The following MSANTD1 variants were observed in gnomAD, a reference collection of about 807,000 sequenced individuals.
The protein encoded by MSANTD1 is Myb/SANT DNA binding domain containing 1.
Under a neutral mutation model 24.2 loss-of-function variants are expected in MSANTD1, and 7 were observed. The observed-to-expected ratio is 0.29, with a 90% CI of 0.16 to 0.54. MSANTD1 has a LOEUF of 0.54. Among genes scored for constraint, MSANTD1 ranks in the 20% least tolerant of loss-of-function variants. MSANTD1 has a pLI of 0.94. For missense variants in MSANTD1, 384 were observed against 408.2 expected, an observed-to-expected ratio of 0.94 and a Z score of 0.51; for synonymous variants, 177 against 181.1, an observed-to-expected ratio of 0.98 and a Z score of 0.18.
intron 2 of MSANTD1, among the ~76,000 whole-genome samples, chr4:3,253,787 G>A (rs1370942037): frequency 6.6e-6 from 1 of 152,194 alleles, no homozygotes; most frequent in Non-Finnish European, 1.5e-5. Flanking sequence ...AGGGTGGCTG[G>A]GAGCATCACA....
chr4:3,255,972 A>C lies in MSANTD1; in HGVS notation c.*7A>C. 1 of 1,509,242 alleles carries C rather than the reference A, an allele frequency of 6.6e-7. No individual in the cohort carries two copies. Among genetic ancestry groups the C allele is most frequent in the African/African-American group, 1.4e-5 (1 of 71,576 alleles). 93.5% of individuals were successfully genotyped at this position (1,509,242 alleles called of 1,614,324 possible). A position where few individuals can be genotyped will look rare whatever the true frequency, so the allele number is the denominator to read the frequency against. The stretch of plus-strand genomic sequence containing the variant: ...CACCAAGTCCAGCGTCTAGGCCAGC[A>C]GGCGGCGGCGGCGGCGGGGCCGGGC... On this transcript the variant is annotated 3_prime_UTR_variant, in exon 3 of 3. Coordinates refer to ENST00000438480, the MANE Select transcript of MSANTD1 (RefSeq NM_001042690.2).
upstream of MSANTD1, chr4:3,244,612 A>G (rs1022392907): frequency 1.3e-5 from 2 of 152,280 alleles, no homozygotes; most frequent in African/African-American, 4.8e-5. Context: ...GATGCTTCTA[A>G]GCTCCGGACG....
In MSANTD1 at chr4:3,255,753, A is replaced by G; in HGVS notation, c.625A>G (p.Lys209Glu). 2 of 1,544,898 alleles carry G rather than the reference A, an allele frequency of 1.3e-6. No homozygotes were observed. Among genetic ancestry groups the G allele is most frequent in the Non-Finnish European group, 1.7e-6 (2 of 1,145,492 alleles). The stretch of plus-strand genomic sequence containing the variant: ...GGAGGAGCGGCCGGTGAAGAAGCGC[A>G]AGGTGCAGAGCTGCCACCTGCAGAA... ...RSEERPVKKR[K>E]VQSCHLQKKQ... is the part of the protein sequence containing the mutation. Residue 209 changes from lysine to glutamate, a missense_variant, in exon 3 of 3, where the codon AAG (lysine) becomes GAG (glutamate). Physicochemically the swap from Lys to Glu is moderately conservative, Grantham distance 56. Coordinates refer to ENST00000438480, the MANE Select transcript of MSANTD1 (RefSeq NM_001042690.2).
chr4:3,245,863 G>T (rs1354622156), upstream of MSANTD1, among the ~76,000 whole-genome samples: 1 of 152,210 alleles, frequency 6.6e-6, no homozygotes, highest in African/African-American at 2.4e-5. Flanking sequence ...CTGGTCGGGG[G>T]TGTCTGGGCC....
At chr4:3,251,658 C>G (rs1252062034) in intron 1 of MSANTD1, among the ~76,000 whole-genome samples, 2 of 151,974 alleles carry the variant, frequency 1.3e-5, no homozygotes, top group African/African-American at 4.8e-5. Context: ...CCGCAGTCTC[C>G]CCATAGCAGA....
At chr4:3,244,998 A>T (rs1721977122), upstream of MSANTD1, 3 of 152,278 alleles carry the variant, frequency 2.0e-5, no homozygotes. Context: ...CTGTCTCCTC[A>T]TAGGTGACAC....
chr4:3,253,506 C>A, intron 2 of MSANTD1, 24 bp downstream of exon 2: 1 of 1,493,980 alleles, frequency 6.7e-7, no homozygotes, highest in Non-Finnish European at 9.0e-7. Context: ...TTGTCCTTCC[C>A]CTGCCCTGGG....
At chr4:3,251,033 G>A (rs1722210807) in intron 1 of MSANTD1, among the ~76,000 whole-genome samples, 1 of 152,256 alleles carries the variant, frequency 6.6e-6, no homozygotes, top group African/African-American at 2.4e-5. Context: ...CCCCAAAGCC[G>A]GGACCTAGGG....
upstream of MSANTD1, chr4:3,249,093 C>A: frequency 3.8e-6 from 3 of 788,762 alleles, no homozygotes; most frequent in Non-Finnish European, 5.4e-6. Context: ...TGCTCTGTTG[C>A]TATGGAAACG....
Position 3,249,371 on chromosome 4 carries a change from A to T in MSANTD1, c.149A>T (p.Glu50Val). 1 of 1,570,658 alleles carries T rather than the reference A, an allele frequency of 6.4e-7. No individual in the cohort carries two copies. Among genetic ancestry groups the T allele is most frequent in the Non-Finnish European group, 8.6e-7 (1 of 1,158,572 alleles). ...CGGGCCCGCAACTGGACGGACGCCG[A>T]GATGCGCGGCCTCATGCTGGTCTGG... ...HRRARNWTDA[E>V]MRGLMLVWEE... The change falls in exon 1 of 3, where the codon GAG (glutamate) becomes GTG (valine). Residue 50 changes from glutamate (E) to valine (V), a missense_variant. By Grantham distance (121) the Glu-to-Val change is moderately radical (BLOSUM62 -2). Transcript: ENST00000438480.
At position 3,256,056 on chromosome 4, in the gene MSANTD1, G is replaced by A. The variant is rs1722382530; in HGVS notation, c.*91G>A. On this transcript the variant is annotated 3_prime_UTR_variant, in exon 3 of 3. Transcript: ENST00000438480. ...GCCACTCAGGCCAGGCGGGCAAGGG[G>A]GCCGCCCCGCGAGCGGAGACCGCCT... 2 of 1,384,242 alleles carry A rather than the reference G, an allele frequency of 1.4e-6. No individual in the cohort carries two copies. Among genetic ancestry groups the A allele is most frequent in the African/African-American group, 3.0e-5 (2 of 65,650 alleles). 85.7% of individuals were successfully genotyped at this position (1,384,242 alleles called of 1,614,324 possible).
Position 3,255,902 on chromosome 4 carries a change from C to T in MSANTD1, c.774C>T (p.Ser258=). ...AGCAGCACATCCTGCAGGTGCAGAG[C>T]CTGCAGCTGCAGGAGCGCATGATGA... ...LDQQHILQVQ[S]LQLQERMMSL... Residue 258 remains serine (S), a synonymous_variant, in exon 3 of 3, where the codon AGC becomes AGT. Transcript: ENST00000438480. The T allele has an allele frequency of 1.9e-6, 3 of 1,545,488 alleles. No homozygotes were observed. Among genetic ancestry groups the T allele is most frequent in the Non-Finnish European group, 2.6e-6 (3 of 1,146,058 alleles).
In MSANTD1 at chr4:3,255,746, G is replaced by A. The variant is rs1166894363; in HGVS notation, c.618G>A (p.Lys206=). Residue 206 remains lysine (K), a synonymous_variant, in exon 3 of 3, where the codon AAG becomes AAA. Transcript: ENST00000438480. ...CCAGGTCGGAGGAGCGGCCGGTGAA[G>A]AAGCGCAAGGTGCAGAGCTGCCACC... ...LKFRSEERPV[K]KRKVQSCHLQ... The A allele has an allele frequency of 1.3e-6, 2 of 1,543,590 alleles. No individual in the cohort carries two copies. The highest frequency in any genetic ancestry group is 2.5e-5 in the East Asian group (1 of 40,780).
chr4:3,247,144 G>T (rs1722054825), upstream of MSANTD1, among the ~76,000 whole-genome samples: 1 of 152,148 alleles, frequency 6.6e-6, no homozygotes, highest in East Asian at 1.9e-4. Context: ...GGCACGTAGA[G>T]GCCCCATGAC....
upstream of MSANTD1, among the ~76,000 whole-genome samples, chr4:3,245,969 G>T (rs900444386): frequency 6.6e-6 from 1 of 152,188 alleles, no homozygotes; most frequent in African/African-American, 2.4e-5. Flanking sequence ...GTGTGCACAG[G>T]CCCCTGCCCT....
At chr4:3,251,020 A>T (rs1722210123) in intron 1 of MSANTD1, among the ~76,000 whole-genome samples, 1 of 152,250 alleles carries the variant, frequency 6.6e-6, no homozygotes, top group Non-Finnish European at 1.5e-5. Flanking sequence ...GCCCCTAGGC[A>T]GGCCCCAAAG....
Position 3,253,236 on chromosome 4 carries a change from C to G in MSANTD1, c.350C>G (p.Ser117Cys). The part of the protein sequence containing the change: ...RKLKCMTDSE[S>C]APPDWPYYLA... ...TTAAAATGCATGACAGATAGCGAGT[C>G]CGCCCCGCCCGACTGGCCCTATTAC... The change falls in exon 2 of 3, where the codon TCC (serine) becomes TGC (cysteine). Residue 117 changes from serine to cysteine, a missense_variant. Coordinates refer to ENST00000438480, the MANE Select transcript of MSANTD1 (RefSeq NM_001042690.2). The G allele has an allele frequency of 6.3e-7, 1 of 1,577,964 alleles. No individual in the cohort carries two copies. The highest frequency in any genetic ancestry group is 8.6e-7 in the Non-Finnish European group (1 of 1,157,444).
At chr4:3,254,245 C>G (rs1722318532) in intron 2 of MSANTD1, among the ~76,000 whole-genome samples, 1 of 152,232 alleles carries the variant, frequency 6.6e-6, no homozygotes, top group South Asian at 2.1e-4. Context: ...GTCTTCAAGT[C>G]TTTCTGACAG....
chr4:3,248,310 T>G (rs1242743903), upstream of MSANTD1: 2 of 152,374 alleles, frequency 1.3e-5, no homozygotes, highest in African/African-American at 4.8e-5. Flanking sequence ...AGCCTGGGCC[T>G]CGAGCCCCGT....
Sources: gnomAD v4.1 joint callset for allele counts (sites outside exome capture counted in the v4.1 genomes callset) on GRCh38, gnomAD v4.1.1 for gene constraint, MANE v1.5 for transcripts, NCBI Gene and HGNC (gene_info 2026-07-23, HGNC 2026-07-21) for gene names.